Variants in FMN1 observed in about 807,000 individuals in gnomAD.
The protein encoded by FMN1 is formin-1.
A neutral mutation model predicts 132.4 loss-of-function variants in FMN1; 110 were observed. The observed-to-expected ratio is 0.83, with a 90% confidence interval of 0.71 to 0.97. The LOEUF (loss-of-function observed/expected upper bound fraction) is 0.97, where lower values mean the gene tolerates loss of function less well. Among genes scored for constraint, FMN1 ranks in the 50% least tolerant of loss-of-function variants. FMN1 has a pLI of 0.00. For synonymous variants in FMN1, 722 were observed against 651.7 expected, an observed-to-expected ratio of 1.11 and a Z score of -1.64; for missense variants, 1,792 against 1,705.3, an observed-to-expected ratio of 1.05 and a Z score of -0.90.
At chr15:33,019,062 T>G (rs1032998326) in intron 6 of FMN1, among the ~76,000 whole-genome samples, 2 of 152,210 alleles carry the variant, frequency 1.3e-5, no homozygotes, top group Non-Finnish European at 2.9e-5. Flanking sequence ...CACTGCTGGC[T>G]CCGGCAGCCT....
chr15:32,938,208 C>A (rs774307123), intron 9 of FMN1, among the ~76,000 whole-genome samples: 2 of 151,812 alleles, frequency 1.3e-5, no homozygotes, highest in Non-Finnish European at 2.9e-5. Context: ...TTTAAGTATT[C>A]CCCTACTAAA....
intron 17 of FMN1, among the ~76,000 whole-genome samples, chr15:32,836,130 A>G (rs1325801974): frequency 2.6e-5 from 4 of 151,950 alleles, no homozygotes; most frequent in Non-Finnish European, 5.9e-5. Flanking sequence ...CAAAGTCCTG[A>G]GATTACAGGT....
At chr15:32,945,518 T>G (rs1450016468) in intron 9 of FMN1, among the ~76,000 whole-genome samples, 1 of 152,202 alleles carries the variant, frequency 6.6e-6, no homozygotes, top group Non-Finnish European at 1.5e-5. Context: ...ATATCTTTGG[T>G]GGCTTAAATA....
chr15:33,030,018 C>T (rs947559086), intron 6 of FMN1, among the ~76,000 whole-genome samples: 1 of 152,106 alleles, frequency 6.6e-6, no homozygotes, highest in Admixed American at 6.6e-5. Flanking sequence ...AATAGCTGGG[C>T]GTGGTGGCGG....
chr15:33,017,703 G>T (rs374394963), intron 6 of FMN1, among the ~76,000 whole-genome samples: 1 of 152,126 alleles, frequency 6.6e-6, no homozygotes, highest in Non-Finnish European at 1.5e-5. Context: ...AAAGATGGGG[G>T]GAAACTTCTA....
intron 2 of FMN1, among the ~76,000 whole-genome samples, chr15:33,188,854 G>A (rs1017978786): frequency 5.9e-5 from 9 of 152,066 alleles, no homozygotes; most frequent in African/African-American, 1.4e-4. Flanking sequence ...GCCACTGACC[G>A]TGTGTGACCT....
At chr15:33,062,038 C>T (rs2037508128) in intron 6 of FMN1, among the ~76,000 whole-genome samples, 1 of 151,936 alleles carries the variant, frequency 6.6e-6, no homozygotes, top group Non-Finnish European at 1.5e-5. Context: ...TTTAAAACTT[C>T]CACACATCAG....
At chr15:33,030,265 G>A (rs1205074166) in intron 6 of FMN1, among the ~76,000 whole-genome samples, 1 of 152,250 alleles carries the variant, frequency 6.6e-6, no homozygotes, top group Non-Finnish European at 1.5e-5. Context: ...ACCACTGGAA[G>A]TGAGGAGAGG....
At chr15:33,024,349 C>T (rs937817570) in intron 6 of FMN1, among the ~76,000 whole-genome samples, 2 of 148,496 alleles carry the variant, frequency 1.3e-5, no homozygotes, top group Admixed American at 1.4e-4. Flanking sequence ...TGGGTTCATG[C>T]CATTCTCCTG....
At chr15:32,838,768 A>AT (rs914296022) in intron 17 of FMN1, among the ~76,000 whole-genome samples, 7 of 152,166 alleles carry the variant, frequency 4.6e-5, no homozygotes, top group Non-Finnish European at 8.8e-5. Flanking sequence ...CCAAATTATT[A>AT]TTTTTTCTCC....
intron 6 of FMN1, among the ~76,000 whole-genome samples, chr15:33,061,405 G>C (rs992676365): frequency 6.6e-6 from 1 of 151,490 alleles, no homozygotes; most frequent in Non-Finnish European, 1.5e-5. Context: ...AAGATATTTA[G>C]GAAAAAATAC....
At chr15:32,841,390 T>A (rs2058742483) in intron 17 of FMN1, among the ~76,000 whole-genome samples, 1 of 152,232 alleles carries the variant, frequency 6.6e-6, no homozygotes, top group South Asian at 2.1e-4. Flanking sequence ...TCAAAACTCA[T>A]GAACTTTAAT....
At chr15:33,067,136 T>TTC (rs1206871700) in intron 5 of FMN1, 1 of 1,613,866 alleles carries the variant, frequency 6.2e-7, no homozygotes, top group East Asian at 2.2e-5. Context: ...AACACTCGAA[T>TTC]TCTGGTTTGT....
chr15:33,110,691 GATC>G (rs57741854), intron 4 of FMN1, among the ~76,000 whole-genome samples: 52,948 of 151,148 alleles, frequency 0.35, 10,508 homozygotes, highest in East Asian at 0.67. Flanking sequence ...TATAAACACA[GATC>G]ATTAAAGCAT....
intron 10 of FMN1, among the ~76,000 whole-genome samples, chr15:32,924,151 A>G (rs144480278): frequency 1.1e-4 from 16 of 152,178 alleles, no homozygotes; most frequent in Non-Finnish European, 1.9e-4. Flanking sequence ...ATCTAACTTG[A>G]GATTCTTCTA....
At position 33,153,275 on chromosome 15, in the gene FMN1, C is replaced by CT. The variant is rs1212404932; in HGVS notation, c.1639dup (p.Arg547LysfsTer6). On this transcript the variant is annotated frameshift_variant, in exon 4 of 21. Transcript: ENST00000616417. LOFTEE classifies it high-confidence loss of function. ...AGGAGAGTCATTAAGAGCAGCTTCC[C>CT]TCTCACCAGGCAATGCAGGGAGCCG... 6.5e-7 allele frequency: 1 copy of CT among 1,536,198 alleles called. No homozygotes were observed. The highest frequency in any genetic ancestry group is 2.0e-5 in the Admixed American group (1 of 51,002).
At chr15:32,924,058 G>GT (rs1209714752) in intron 10 of FMN1, among the ~76,000 whole-genome samples, 3 of 152,124 alleles carry the variant, frequency 2.0e-5, no homozygotes, top group Non-Finnish European at 4.4e-5. Flanking sequence ...GAAAACATTT[G>GT]TTTTTGTTTT....
intron 2 of FMN1, among the ~76,000 whole-genome samples, chr15:33,183,617 G>A (rs1965778942): frequency 6.6e-6 from 1 of 152,184 alleles, no homozygotes; most frequent in Admixed American, 6.5e-5. Flanking sequence ...GATTATGAAT[G>A]ACTGTTTCAA....
chr15:32,989,268 T>C (rs549424289), intron 7 of FMN1, among the ~76,000 whole-genome samples: 1 of 152,124 alleles, frequency 6.6e-6, no homozygotes, highest in Non-Finnish European at 1.5e-5. Context: ...GGATGGAAGG[T>C]AGGTGGAGGT....
Sources: gnomAD v4.1 joint callset for allele counts (sites outside exome capture counted in the v4.1 genomes callset) on GRCh38, gnomAD v4.1.1 for gene constraint, MANE v1.5 for transcripts, NCBI Gene and HGNC (gene_info 2026-07-23, HGNC 2026-07-21) for gene names.